CD59: variants seen among roughly 807,000 people sequenced by gnomAD.
CD59 encodes CD59 molecule (CD59 blood group).
CD59 carries 3 observed loss-of-function variants against 7.0 expected under a neutral mutation model. The ratio of observed to expected loss-of-function variants is 0.43; its 90% confidence interval spans 0.19 to 1.10. The LOEUF (loss-of-function observed/expected upper bound fraction) is 1.10. Ranked by LOEUF, CD59 falls within the 50% of genes least tolerant of loss-of-function variation. The pLI is 0.29. For missense variants in CD59, 143 were observed against 151.0 expected, an observed-to-expected ratio of 0.95 and a Z score of 0.28; for synonymous variants, 60 against 62.0, an observed-to-expected ratio of 0.97 and a Z score of 0.15.
At chr11:33,722,838 T>G (rs1294280292) in intron 1 of CD59, 23 of 928,910 alleles carry the variant, frequency 2.5e-5, no homozygotes, top group Non-Finnish European at 3.1e-5. Context: ...CAGCACTAAG[T>G]GAATCAGACC....
intron 1 of CD59, among the ~76,000 whole-genome samples, chr11:33,731,134 T>C (rs1457486468): frequency 6.6e-6 from 1 of 152,200 alleles, no homozygotes; most frequent in Non-Finnish European, 1.5e-5. Context: ...CAGTAGGCTA[T>C]TAGTAATTAA....
intron 3 of CD59, among the ~76,000 whole-genome samples, chr11:33,714,358 T>C (rs545982129): frequency 1.2e-4 from 18 of 152,236 alleles, no homozygotes; most frequent in Non-Finnish European, 2.2e-4. Context: ...TATCTAAACA[T>C]AGAAAAATAC....
Position 33,710,143 on chromosome 11 carries a change from A to C in CD59, c.370T>G (p.Trp124Gly). The C allele has an allele frequency of 6.2e-7, 1 of 1,613,164 alleles. No homozygotes were observed. The highest frequency in any genetic ancestry group is 1.1e-5 in the South Asian group (1 of 90,890). Reference sequence around the variant, plus strand: ...GTGTTGACTTAGGGATGAAGGCTCCAGGCTGCTGCCAGAAATGGAGTCACC... The same window carrying C: ...GTGTTGACTTAGGGATGAAGGCTCCCGGCTGCTGCCAGAAATGGAGTCACC... ...LLVTPFLAAA[W>G]SLHP The change falls in exon 4 of 4, where the codon TGG becomes GGG. Residue 124 changes from tryptophan to glycine, a missense_variant. Transcript: ENST00000642928.
chr11:33,710,951 A>G (rs1485782958), intron 3 of CD59, among the ~76,000 whole-genome samples: 1 of 151,808 alleles, frequency 6.6e-6, no homozygotes. Context: ...AGAAATTACA[A>G]TAGAATTCCT....
At chr11:33,724,113 C>T (rs1026617314) in intron 1 of CD59, among the ~76,000 whole-genome samples, 10 of 152,072 alleles carry the variant, frequency 6.6e-5, no homozygotes, top group African/African-American at 2.4e-4. Context: ...TCTCTCCAAA[C>T]AAACAAACAA....
chr11:33,733,777 CAT>C (rs1235969919), intron 1 of CD59, among the ~76,000 whole-genome samples: 1 of 152,220 alleles, frequency 6.6e-6, no homozygotes, highest in East Asian at 1.9e-4. Flanking sequence ...TTCTGAAATA[CAT>C]TAGTTAAGCT....
rs1261501732 is a variant in CD59, at chr11:33,706,548, G to GT, written c.*3577dup. The GT allele has an allele frequency of 1.5e-5, 2 of 130,214 alleles. No homozygotes were observed. Among genetic ancestry groups the GT allele is most frequent in the Admixed American group, 1.5e-4 (2 of 13,098 alleles). The allele number at this position is 130,214 out of a possible 1,614,324, so 8.1% of individuals were successfully genotyped here. On this transcript the variant is annotated 3_prime_UTR_variant, in exon 4 of 4. Transcript: ENST00000642928. ...CATAGAAAGTGAAAGTTCAGAAAGG[G>GT]TTTAAAAAAAAAAAAAAAAAAAAAC...
chr11:33,716,101 C>T (rs550579689), intron 3 of CD59, among the ~76,000 whole-genome samples: 3 of 152,278 alleles, frequency 2.0e-5, no homozygotes, highest in East Asian at 3.9e-4. Context: ...TATGGTCTTC[C>T]AGTGGGGGCA....
At chr11:33,716,786 G>T (rs1433655615) in intron 3 of CD59, among the ~76,000 whole-genome samples, 1 of 152,140 alleles carries the variant, frequency 6.6e-6, no homozygotes, top group Non-Finnish European at 1.5e-5. Context: ...ACCTGCTGTT[G>T]CCCCTCCCAG....
rs898870122 is a variant in CD59, at chr11:33,709,330, AG to A, written c.*795del. 5.2e-5 allele frequency: 8 copies of A among 152,914 alleles called. No homozygotes were observed. Among genetic ancestry groups the A allele is most frequent in the African/African-American group, 1.9e-4 (8 of 41,462 alleles). 9.5% of individuals were successfully genotyped at this position (152,914 alleles called of 1,614,324 possible). ...CTTTCTACCAGTAACATTTAAAATA[AG>A]CACACTTAATACTGCCAGTCACATG... is the stretch of plus-strand genomic sequence containing the variant. On this transcript the variant is annotated 3_prime_UTR_variant, in exon 4 of 4. Transcript: ENST00000642928.
In CD59 at chr11:33,720,427, A is replaced by G. The variant is rs1349992419; in HGVS notation, c.67+1952T>C. Among the ~76,000 whole-genome samples the G allele has an allele frequency of 2.0e-5, 3 of 152,236 alleles. No homozygotes were observed. In the South Asian group the frequency reaches 6.2e-4, roughly 31 times the overall value. On this transcript the variant is annotated intron_variant, in intron 2 of 3. Coordinates refer to ENST00000642928, the MANE Select transcript of CD59 (RefSeq NM_000611.6). ...AAAAACAAGCAACAGGGCCAGGTGC[A>G]ATGGCTCACGCCTGTAATCCCAACA... is the stretch of plus-strand genomic sequence containing the variant.
chr11:33,706,381 G>C lies in CD59; in HGVS notation c.*3745C>G, dbSNP rs1853307664. On this transcript the variant is annotated 3_prime_UTR_variant, in exon 4 of 4. Coordinates refer to ENST00000642928, the MANE Select transcript of CD59 (RefSeq NM_000611.6). ...TTTTCACTTATGTCCAAGTCAGTGG[G>C]GGTAAATGCATTGTGATTCACTGTA... is the stretch of plus-strand genomic sequence containing the variant. The C allele has an allele frequency of 1.3e-5, 2 of 151,700 alleles. No individual in the cohort carries two copies. Among genetic ancestry groups the C allele is most frequent in the African/African-American group, 2.4e-5 (1 of 41,262 alleles). 9.4% of individuals were successfully genotyped at this position (151,700 alleles called of 1,614,324 possible). A position where few individuals can be genotyped will look rare whatever the true frequency, so the allele number is the denominator to read the frequency against.
intron 3 of CD59, among the ~76,000 whole-genome samples, chr11:33,711,666 G>C (rs1037917191): frequency 1.3e-5 from 2 of 151,846 alleles, no homozygotes; most frequent in African/African-American, 4.9e-5. Flanking sequence ...AACAAAGCAA[G>C]ACCTTGCCTC....
At chr11:33,718,009 G>T (rs1194966463) in intron 2 of CD59, 2 of 178,964 alleles carry the variant, frequency 1.1e-5, no homozygotes, top group Admixed American at 5.4e-5. Flanking sequence ...TTAAGCAAAT[G>T]GTTATCCCCC....
intron 1 of CD59, among the ~76,000 whole-genome samples, chr11:33,733,319 T>C (rs1431230678): frequency 2.6e-5 from 4 of 152,190 alleles, no homozygotes; most frequent in African/African-American, 9.7e-5. Context: ...TCAGCAGCAG[T>C]AGAAAATTAT....
chr11:33,729,525 G>C (rs1854353107), intron 1 of CD59, among the ~76,000 whole-genome samples: 1 of 152,056 alleles, frequency 6.6e-6, no homozygotes, highest in Non-Finnish European at 1.5e-5. Context: ...CGGGAGTTGG[G>C]GGGTGGGGGA....
At chr11:33,728,774 T>C (rs1854330976) in intron 1 of CD59, among the ~76,000 whole-genome samples, 1 of 152,222 alleles carries the variant, frequency 6.6e-6, no homozygotes, top group Non-Finnish European at 1.5e-5. Context: ...TCTATCCATC[T>C]GACAAAGGGC....
chr11:33,721,511 A>G (rs1375774181), intron 2 of CD59, among the ~76,000 whole-genome samples: 6 of 152,196 alleles, frequency 3.9e-5, no homozygotes, highest in African/African-American at 1.4e-4. Flanking sequence ...CCCACCAACC[A>G]TATTTATAAA....
At chr11:33,733,872 G>T (rs192932365) in intron 1 of CD59, among the ~76,000 whole-genome samples, 58 of 152,284 alleles carry the variant, frequency 3.8e-4, no homozygotes, top group African/African-American at 1.4e-3. Context: ...CTCCTCCTAG[G>T]AGCCTGAGGC....
Sources: allele counts gnomAD v4.1 joint callset (sites outside exome capture counted in the v4.1 genomes callset), GRCh38; gene constraint gnomAD v4.1.1; transcripts MANE v1.5; gene names NCBI Gene and HGNC (gene_info 2026-07-23, HGNC 2026-07-21).